Variants in LLGL2 observed in about 807,000 individuals in gnomAD.
The protein encoded by LLGL2 is LLGL2, scribble cell polarity complex component.
LLGL2 carries 81 observed loss-of-function variants against 123.2 expected under a neutral mutation model. That is an observed-to-expected ratio of 0.66 (90% CI 0.55 to 0.79). The LOEUF (loss-of-function observed/expected upper bound fraction) is 0.79. Among genes scored for constraint, LLGL2 ranks in the 30% least tolerant of loss-of-function variants. The pLI, the probability that LLGL2 is intolerant of heterozygous loss-of-function variation, is 0.00. For synonymous variants in LLGL2, 577 were observed against 594.1 expected (o/e 0.97, Z 0.42); for missense variants, 1,273 against 1,414.6 (o/e 0.90, Z 1.61).
chr17:75,552,255 G>A (rs1416901470), intron 2 of LLGL2, among the ~76,000 whole-genome samples: 1 of 151,712 alleles, frequency 6.6e-6, no homozygotes, highest in African/African-American at 2.4e-5. Context: ...CTGGAAGGCT[G>A]AGGCCTGTGG....
At chr17:75,568,091 C>T (rs1598623386) in intron 10 of LLGL2, 10 of 1,132,846 alleles carry the variant, frequency 8.8e-6, no homozygotes, top group Non-Finnish European at 1.1e-5. Flanking sequence ...CTGAAGACCA[C>T]GCGTGCTGCT....
chr17:75,558,863 CCCGCCTCCT>C lies in LLGL2; in HGVS notation c.371+239_371+247del, dbSNP rs2055052466. The C allele has an allele frequency of 2.0e-5, 5 of 249,434 alleles. No individual in the cohort carries two copies. Among genetic ancestry groups the C allele is most frequent in the East Asian group, 1.3e-4 (2 of 15,764 alleles). The allele number at this position is 249,434 out of a possible 1,614,324, so 15.5% of individuals were successfully genotyped here. ...CGCACCCCACCTCCTCCATCCGCAC[CCCGCCTCCT>C]CCATCCGCACCCCACCTCCTCCATC... On this transcript the variant is annotated intron_variant, in intron 5 of 25. Coordinates refer to ENST00000392550, the MANE Select transcript of LLGL2 (RefSeq NM_001031803.2). This position sits in a 1 kb window ranked among gnomAD's most constrained non-coding sequence, Gnocchi z 4.0.
intron 1 of LLGL2, among the ~76,000 whole-genome samples, chr17:75,541,553 T>C (rs2054206471): frequency 1.3e-5 from 2 of 152,086 alleles, no homozygotes; most frequent in Admixed American, 1.3e-4. Flanking sequence ...GATCCCCACC[T>C]CTGGTCTGAC....
chr17:75,546,447 G>T, intron 2 of LLGL2: 1 of 175,836 alleles, frequency 5.7e-6, no homozygotes, highest in Non-Finnish European at 1.3e-5. Context: ...ATGAGTTCCT[G>T]CACGAATCGA....
At chr17:75,543,997 T>A (rs2054313537) in intron 2 of LLGL2, among the ~76,000 whole-genome samples, 1 of 152,164 alleles carries the variant, frequency 6.6e-6, no homozygotes, top group Non-Finnish European at 1.5e-5. Context: ...CGTGATTCCT[T>A]CTGGCTCCGG....
intron 2 of LLGL2, among the ~76,000 whole-genome samples, chr17:75,551,148 AC>A (rs2054654444): frequency 1.3e-5 from 2 of 152,290 alleles, no homozygotes; most frequent in African/African-American, 4.8e-5. Flanking sequence ...TGTGAAGGTC[AC>A]TGCCCTTATT....
rs773040901 is a variant in LLGL2, at chr17:75,563,794, C to T, written c.869C>T (p.Thr290Ile). ...GCGATTACCAGAATCCTCTGGCTGA[C>T]CACTAGGCAGGGGTAGGTATCCATG... Reference protein sequence around the residue: ...CKAITRILWLTTRQGLPFTIF... With the variant: ...CKAITRILWLITRQGLPFTIF... The change falls in exon 9 of 26, where the codon ACC becomes ATC. Residue 290 changes from threonine (T) to isoleucine (I), a missense_variant. Physicochemically the swap from Thr to Ile is moderately conservative, Grantham distance 89. Coordinates refer to ENST00000392550, the MANE Select transcript of LLGL2 (RefSeq NM_001031803.2). The T allele has an allele frequency of 2.5e-6, 4 of 1,613,876 alleles. No homozygotes were observed. Among genetic ancestry groups the T allele is most frequent in the African/African-American group, 2.7e-5 (2 of 74,920 alleles).
chr17:75,569,413 G>A (rs1481315498), intron 14 of LLGL2, 88 bp downstream of exon 14: 9 of 1,093,276 alleles, frequency 8.2e-6, no homozygotes, highest in South Asian at 3.9e-5. Context: ...CCTGCCTAAC[G>A]CACATTCTGT....
At position 75,564,223 on chromosome 17, in the gene LLGL2, G is replaced by A. The variant is rs1165786941; in HGVS notation, c.882-130G>A. 39 of 1,473,378 alleles carry A rather than the reference G, an allele frequency of 2.6e-5. No individual in the cohort carries two copies. The highest frequency in any genetic ancestry group is 9.0e-7 in the Non-Finnish European group (1 of 1,115,306). 91.3% of individuals were successfully genotyped at this position (1,473,378 alleles called of 1,614,324 possible). A position where few individuals can be genotyped will look rare whatever the true frequency, so the allele number is the denominator to read the frequency against. ...CAAGTCCTCCTGGGCTGTAGCAGTT[G>A]GAAGGAGATGGGGTCCAGTCTCCCC... On this transcript the variant is annotated intron_variant, in intron 9 of 25. Coordinates refer to ENST00000392550, the MANE Select transcript of LLGL2 (RefSeq NM_001031803.2). The surrounding 1 kb of genome is among the most constrained non-coding windows in gnomAD (Gnocchi z 4.9).
intron 1 of LLGL2, among the ~76,000 whole-genome samples, chr17:75,536,958 G>T (rs2054025287): frequency 6.6e-6 from 1 of 152,106 alleles, no homozygotes; most frequent in Non-Finnish European, 1.5e-5. Flanking sequence ...CTCCCAAGTA[G>T]CTGGGGTTAC....
At chr17:75,570,823 C>A (rs564910569) in intron 16 of LLGL2, 127 bp from the exon 17 acceptor site, 4 of 1,266,978 alleles carry the variant, frequency 3.2e-6, no homozygotes, top group Non-Finnish European at 4.3e-6. Flanking sequence ...TCCCTCTAGA[C>A]GCAGGCCTGG....
chr17:75,573,066 T>A lies in LLGL2; in HGVS notation c.2513T>A (p.Leu838Gln). ...AAGCTGAAGTTGAAGCTGACGGCCC[T>A]GGAGGGCTCAAGAGTGCGGCGGGTC... ...SAKLKLKLTA[L>Q]EGSRVRRVSV... is the part of the protein sequence containing the mutation. The change falls in exon 20 of 26, where the codon CTG becomes CAG. Residue 838 changes from leucine (L) to glutamine (Q), a missense_variant. Transcript: ENST00000392550. 6.2e-7 allele frequency: 1 copy of A among 1,613,038 alleles called. No individual in the cohort carries two copies. The highest frequency in any genetic ancestry group is 8.5e-7 in the Non-Finnish European group (1 of 1,179,914).
chr17:75,557,634 C>T (rs1456606924), intron 3 of LLGL2, among the ~76,000 whole-genome samples: 1 of 152,196 alleles, frequency 6.6e-6, no homozygotes, highest in South Asian at 2.1e-4. Flanking sequence ...GTATGGAGCA[C>T]TCGAGTTCCA....
Position 75,570,396 on chromosome 17 carries a change from C to A in LLGL2, c.1923C>A (p.Ser641=). Residue 641 remains serine (S), a synonymous_variant, in exon 16 of 26, where the codon TCC becomes TCA. Transcript: ENST00000392550. ...SDQLALEGPL[S]RVKSLKKSLR... ...AGCTGGCCTTGGAGGGCCCACTCTCCCGCGTCAAGTCCCTCAAGAAGTCCT... is the reference window on the plus strand; with the variant it reads ...AGCTGGCCTTGGAGGGCCCACTCTCACGCGTCAAGTCCCTCAAGAAGTCCT... The A allele has an allele frequency of 6.2e-7, 1 of 1,610,872 alleles. No individual in the cohort carries two copies.
At position 75,569,590 on chromosome 17, in the gene LLGL2, G is replaced by A. The variant is rs563059365; in HGVS notation, c.1581+265G>A. On this transcript the variant is annotated intron_variant, in intron 14 of 25. Coordinates refer to ENST00000392550, the MANE Select transcript of LLGL2 (RefSeq NM_001031803.2). ...GACCAAGGCAGGCGGATCACCTGAG[G>A]TCAGGAGTTCGAGACCAGCCTGGCC... Among the ~76,000 whole-genome samples the A allele has an allele frequency of 1.4e-4, 21 of 152,182 alleles. 1 individual carries two copies. The South Asian group carries it at 4.1e-3, about 30-fold the overall frequency.
intron 19 of LLGL2, among the ~76,000 whole-genome samples, chr17:75,572,336 G>A (rs372142244): frequency 6.1e-5 from 9 of 148,692 alleles, no homozygotes; most frequent in African/African-American, 1.8e-4. Context: ...GGCCAATATG[G>A]TGAAACCCTG....
chr17:75,570,491 C>G lies in LLGL2; in HGVS notation c.2018C>G (p.Pro673Arg), dbSNP rs775405088. 3 of 1,572,872 alleles carry G rather than the reference C, an allele frequency of 1.9e-6. No individual in the cohort carries two copies. The highest frequency in any genetic ancestry group is 2.6e-6 in the Non-Finnish European group (3 of 1,160,376). Residue 673 changes from proline (P) to arginine (R), a missense_variant, in exon 16 of 26, where the codon CCA becomes CGA. Coordinates refer to ENST00000392550, the MANE Select transcript of LLGL2 (RefSeq NM_001031803.2). ...CGGAAGCGGCACCCGGCTGGCCCCC[C>G]AGGAGAGGTGAGGCCTGAGGTGAGG... is the stretch of plus-strand genomic sequence containing the variant. ...SSRKRHPAGP[P>R]GEAQEGSAKA...
In LLGL2 at chr17:75,564,786, C is replaced by T; in HGVS notation, c.1036+279C>T. 1 of 374,128 alleles carries T rather than the reference C, an allele frequency of 2.7e-6. No individual in the cohort carries two copies. The highest frequency in any genetic ancestry group is 4.7e-6 in the Non-Finnish European group (1 of 210,856). 23.2% of individuals were successfully genotyped at this position (374,128 alleles called of 1,614,324 possible). ...GGCTGAGGTGGGAGGATCACTTGAG[C>T]CTGGGAGGTGGAGGTTGCAGCGAAC... On this transcript the variant is annotated intron_variant, in intron 10 of 25. Transcript: ENST00000392550. This position sits in a 1 kb window ranked among gnomAD's most constrained non-coding sequence, Gnocchi z 4.9.
Position 75,558,648 on chromosome 17 carries a change from C to G in LLGL2, c.371+21C>G. On this transcript the variant is annotated intron_variant, in intron 5 of 25. Transcript: ENST00000392550. The surrounding 1 kb of genome is among the most constrained non-coding windows in gnomAD (Gnocchi z 4.0). ...CCAGGGTAAGGGCTCAATCCCCAGC[C>G]CCTTCCACTCCCAGCCCAGCCTGAC... is the stretch of plus-strand genomic sequence containing the variant. 6.5e-7 allele frequency: 1 copy of G among 1,541,656 alleles called. No individual in the cohort carries two copies. Among genetic ancestry groups the G allele is most frequent in the African/African-American group, 1.4e-5 (1 of 73,180 alleles).
Sources: gnomAD v4.1 joint callset for allele counts (sites outside exome capture counted in the v4.1 genomes callset) on GRCh38, gnomAD v4.1.1 for gene constraint, Gnocchi (gnomAD v3.1) non-coding constraint, MANE v1.5 for transcripts, NCBI Gene and HGNC (gene_info 2026-07-23, HGNC 2026-07-21) for gene names.